The following GCNA variants were observed in gnomAD, a reference collection of about 807,000 sequenced individuals.
GCNA encodes the protein germ cell nuclear acidic peptidase.
Under a neutral mutation model 38.8 loss-of-function variants are expected in GCNA, and 3 were observed. The ratio of observed to expected loss-of-function variants is 0.08; its 90% CI spans 0.04 to 0.20. The LOEUF (loss-of-function observed/expected upper bound fraction) is 0.20. GCNA is among the 10% of genes least tolerant of loss of function. The pLI is 1.00. For missense variants in GCNA, 446 were observed against 578.6 expected (o/e 0.77, Z 2.35); for synonymous variants, 195 against 240.2 (o/e 0.81, Z 1.74).
In GCNA at chrX:71,603,775, G is replaced by A. The variant is rs113212495; in HGVS notation, c.498G>A (p.Ser166=). Residue 166 remains serine (S), a synonymous_variant, in exon 8 of 13, where the codon TCG becomes TCA. Transcript: ENST00000373696. ...SEAPDDNSDD[S]EAPDDNSDDS... ...CTCCTGACGACAACAGTGATGATTC[G>A]GAAGCTCCCGACGACAACAGTGATG... 4 of 1,209,174 alleles carry A rather than the reference G, an allele frequency of 3.3e-6. No homozygotes were observed. Among genetic ancestry groups the A allele is most frequent in the South Asian group, 3.5e-5 (2 of 56,829 alleles).
At chrX:71,605,756 C>T (rs2040764775) in intron 9 of GCNA, 27 bp downstream of exon 9, 9 of 1,175,657 alleles carry the variant, frequency 7.7e-6, no homozygotes, top group Non-Finnish European at 9.2e-6. Context: ...TACAGTTGAA[C>T]AGGAATTTAT....
In GCNA at chrX:71,604,710, T is replaced by C; in HGVS notation, c.1399+34T>C. ...GTCATGCCAAGTATGCCTGTCCCACTGAATGTGCCTTGCCTGCCAAATGTG... is the reference window on the plus strand; with the variant it reads ...GTCATGCCAAGTATGCCTGTCCCACCGAATGTGCCTTGCCTGCCAAATGTG... On this transcript the variant is annotated intron_variant, in intron 8 of 12. Transcript: ENST00000373696. The C allele has an allele frequency of 1.0e-5, 12 of 1,200,220 alleles. No individual in the cohort carries two copies. In the South Asian group the frequency reaches 2.2e-4, roughly 22 times the overall value.
At chrX:71,601,844 C>T (rs983930413) in intron 7 of GCNA, among the ~76,000 whole-genome samples, 1 of 112,429 alleles carries the variant, frequency 8.9e-6, no homozygotes, top group South Asian at 3.7e-4. Context: ...CCGTGCCCGA[C>T]CTCCATTCAT....
chrX:71,586,925 A>G (rs768336209), intron 2 of GCNA, among the ~76,000 whole-genome samples: 1 of 111,938 alleles, frequency 8.9e-6, no homozygotes. Context: ...TACCTTTTAA[A>G]TACTTAATAA....
At chrX:71,610,877 T>A in intron 11 of GCNA, 58 bp downstream of exon 11, 1 of 1,192,113 alleles carries the variant, frequency 8.4e-7, no homozygotes, top group Non-Finnish European at 1.1e-6. Flanking sequence ...ACACCGTGCC[T>A]GTGAAATTAC....
chrX:71,599,262 A>G (rs1485710583), intron 7 of GCNA, among the ~76,000 whole-genome samples: 1 of 111,426 alleles, frequency 9.0e-6, no homozygotes, highest in African/African-American at 3.3e-5. Context: ...TTGAAACGCT[A>G]GTCTCCTATT....
intron 2 of GCNA, among the ~76,000 whole-genome samples, chrX:71,582,446 A>G (rs2040554322): frequency 9.1e-6 from 1 of 109,697 alleles, no homozygotes. Context: ...ACCATTTTTT[A>G]TATATTTGCA....
rs200100539 is a variant in GCNA at position 71,603,665 on chromosome X, G to A, written c.388G>A (p.Asp130Asn). ...AGTTATTAGTGATGATGACAATGAC[G>A]ATGACAACGGTAATGATTTGGAAGT... is the stretch of plus-strand genomic sequence containing the variant. ...PIVISDDDND[D>N]DNGNDLEVPD... Residue 130 changes from aspartate to asparagine, a missense_variant, in exon 8 of 13, where the codon GAT (aspartate) becomes AAT (asparagine). Asp to Asn is a conservative substitution (Grantham distance 23). Around this residue, in one of 7 missense-constraint regions of GCNA, gnomAD observed 118 missense variants for 122.8 expected, o/e 0.96. Coordinates refer to ENST00000373696, the MANE Select transcript of GCNA (RefSeq NM_052957.5). The A allele has an allele frequency of 1.2e-5, 14 of 1,211,647 alleles. No homozygotes were observed. Among genetic ancestry groups the A allele is most frequent in the Admixed American group, 4.3e-5 (2 of 46,048 alleles).
rs1386455908 is a variant in GCNA at position 71,604,256 on chromosome X, G to A, written c.979G>A (p.Asp327Asn). 2 of 1,211,475 alleles carry A rather than the reference G, an allele frequency of 1.7e-6. No homozygotes were observed. Among genetic ancestry groups the A allele is most frequent in the Admixed American group, 4.3e-5 (2 of 45,985 alleles). ...DKSDDSDVPDDNSDDLEVPVP... is the reference protein window; with the variant it reads ...DKSDDSDVPDNNSDDLEVPVP... Reference sequence around the variant, plus strand: ...GAGTGATGATTCGGATGTTCCCGATGACAATAGTGATGATTTGGAAGTTCC... The same window carrying A: ...GAGTGATGATTCGGATGTTCCCGATAACAATAGTGATGATTTGGAAGTTCC... The change falls in exon 8 of 13, where the codon GAC becomes AAC. Residue 327 changes from aspartate to asparagine, a missense_variant. By Grantham distance (23) the Asp-to-Asn change is conservative (BLOSUM62 1). Transcript: ENST00000373696.
At chrX:71,587,725 G>C (rs1293223523) in intron 2 of GCNA, among the ~76,000 whole-genome samples, 2 of 110,941 alleles carry the variant, frequency 1.8e-5, no homozygotes, top group Non-Finnish European at 3.8e-5. Flanking sequence ...AGTGTGGTCT[G>C]CCAGCTTCCT....
intron 11 of GCNA, among the ~76,000 whole-genome samples, 153 bp from the exon 12 acceptor site, chrX:71,612,202 C>T (rs993897356): frequency 1.1e-4 from 11 of 98,986 alleles, no homozygotes; most frequent in Admixed American, 9.6e-4. Flanking sequence ...CACTTGAAAC[C>T]GGGAGGTGGA....
rs1397712842 is a variant in GCNA at position 71,605,223 on chromosome X, A to G, written c.1400-440A>G. On this transcript the variant is annotated intron_variant, in intron 8 of 12. Transcript: ENST00000373696. ...TAAATTTTTTAGATATATGAATGAC[A>G]CTGACTATTGATACATAAGCCTTTA... is the stretch of plus-strand genomic sequence containing the variant. Among the ~76,000 whole-genome samples, 6 of 104,102 alleles carry G rather than the reference A, an allele frequency of 5.8e-5. No homozygotes were observed. The East Asian group carries it at 2.0e-3, about 35-fold the overall frequency. The allele number at this position is 104,102 out of a possible 115,157, so 90.4% of individuals were successfully genotyped here.
chrX:71,604,708 A>T (rs2040755056), intron 8 of GCNA, 32 bp downstream of exon 8: 1 of 1,200,191 alleles, frequency 8.3e-7, no homozygotes. Context: ...TGCCTGTCCC[A>T]CTGAATGTGC....
Position 71,589,452 on chromosome X carries a change from T to C in GCNA, c.60-2670T>C, listed in dbSNP as rs1234447191. On this transcript the variant is annotated intron_variant, in intron 2 of 12. Coordinates refer to ENST00000373696, the MANE Select transcript of GCNA (RefSeq NM_052957.5). ...CGTACCTGGCCTGCATATATTTCCT[T>C]TTTTTTTTTTTTTTTTTTTTTTTTT... Among the ~76,000 whole-genome samples, 3 of 25,873 alleles carry C rather than the reference T, an allele frequency of 1.2e-4. No homozygotes were observed. In the African/African-American group the frequency reaches 2.0e-3, roughly 17 times the overall value. The allele number at this position is 25,873 out of a possible 115,157, so 22.5% of individuals were successfully genotyped here.
chrX:71,587,035 AT>A (rs988572939), intron 2 of GCNA, among the ~76,000 whole-genome samples: 1 of 112,017 alleles, frequency 8.9e-6, no homozygotes, highest in African/African-American at 3.2e-5. Flanking sequence ...AGCATGAATG[AT>A]TCAGGAGAAA....
At position 71,584,807 on chromosome X, in the gene GCNA, G is replaced by A. The variant is rs1006669488; in HGVS notation, c.59+3927G>A. On this transcript the variant is annotated intron_variant, in intron 2 of 12. Coordinates refer to ENST00000373696, the MANE Select transcript of GCNA (RefSeq NM_052957.5). ...GGCGTGAACCTGGGAGGCAGAGCTT[G>A]CAGTGAGCCGAGATCGCACCACTGC... 7.6e-4 allele frequency among the ~76,000 whole-genome samples: 84 copies of A among 110,860 alleles called. 1 individual carries two copies. Among genetic ancestry groups the A allele is most frequent in the Non-Finnish European group, 1.4e-3 (73 of 52,866 alleles).
At chrX:71,584,277 G>T (rs1412906636) in intron 2 of GCNA, among the ~76,000 whole-genome samples, 1 of 111,007 alleles carries the variant, frequency 9.0e-6, no homozygotes, top group Non-Finnish European at 1.9e-5. Context: ...GTTTGAGACG[G>T]TATTACTCTG....
chrX:71,607,506 C>G (rs1333401890), intron 9 of GCNA, among the ~76,000 whole-genome samples: 1 of 112,486 alleles, frequency 8.9e-6, no homozygotes, highest in Non-Finnish European at 1.9e-5. Context: ...GTGGACTGTT[C>G]CAGCTAAGAT....
At position 71,603,902 on chromosome X, in the gene GCNA, A is replaced by G. The variant is rs1267164547; in HGVS notation, c.625A>G (p.Ser209Gly). The part of the protein sequence containing the change: ...DNSDDSSDDN[S>G]DDSDVPDDKS... ...CAGTGATGATTCATCCGACGACAAC[A>G]GTGATGATTCGGATGTTCCCGACGA... The change falls in exon 8 of 13, where the codon AGT becomes GGT. Residue 209 changes from serine to glycine, a missense_variant. This residue lies in a region of GCNA where 118 missense variants were observed against 122.8 expected (regional missense o/e 0.96). Coordinates refer to ENST00000373696, the MANE Select transcript of GCNA (RefSeq NM_052957.5). 8.3e-7 allele frequency: 1 copy of G among 1,206,560 alleles called. No homozygotes were observed. The highest frequency in any genetic ancestry group is 1.1e-6 in the Non-Finnish European group (1 of 894,124).
Sources: gnomAD v4.1 joint callset for allele counts (sites outside exome capture counted in the v4.1 genomes callset) on GRCh38, gnomAD v4.1.1 for gene constraint, gnomAD v4.1.1 regional missense constraint, MANE v1.5 for transcripts, NCBI Gene and HGNC (gene_info 2026-07-23, HGNC 2026-07-21) for gene names.